Variants in CCDC91 observed in about 807,000 individuals in gnomAD.
CCDC91 encodes the protein coiled-coil domain-containing protein 91.
Under a neutral mutation model 63.2 loss-of-function variants are expected in CCDC91, and 48 were observed. That is an observed-to-expected ratio of 0.76 (90% CI 0.60 to 0.97). The LOEUF (loss-of-function observed/expected upper bound fraction) is 0.97, where lower values mean the gene tolerates loss of function less well. Ranked by LOEUF, CCDC91 falls within the 50% of genes least tolerant of loss-of-function variation. The pLI is 0.00. For synonymous variants in CCDC91, 167 were observed against 165.8 expected (o/e 1.01, Z -0.06); for missense variants, 500 against 494.6 (o/e 1.01, Z -0.10).
At chr12:28,391,280 A>G in intron 7 of CCDC91, 24 bp from the exon 8 acceptor site, 3 of 1,470,920 alleles carry the variant, frequency 2.0e-6, no homozygotes, top group Non-Finnish European at 2.9e-6. Flanking sequence ...CTGTGATCCA[A>G]ATGACTTTTT....
chr12:28,228,955 T>C (rs1944432074), intron 1 of CCDC91, among the ~76,000 whole-genome samples: 1 of 152,116 alleles, frequency 6.6e-6, no homozygotes, highest in South Asian at 2.1e-4. Context: ...AAACACAGAG[T>C]ATGGCACTTT....
At chr12:28,393,259 A>G (rs1275996298) in intron 8 of CCDC91, among the ~76,000 whole-genome samples, 2 of 152,140 alleles carry the variant, frequency 1.3e-5, no homozygotes, top group African/African-American at 4.8e-5. Context: ...TAAGTAGCAA[A>G]TAGTTACAGT....
chr12:28,303,132 T>C (rs1322698605), intron 3 of CCDC91, among the ~76,000 whole-genome samples: 1 of 152,048 alleles, frequency 6.6e-6, no homozygotes, highest in African/African-American at 2.4e-5. Context: ...AAAGATAAGA[T>C]CAGAAGTGTT....
chr12:28,215,739 C>T (rs1222502729), intron 1 of CCDC91, among the ~76,000 whole-genome samples: 1 of 152,094 alleles, frequency 6.6e-6, no homozygotes, highest in Non-Finnish European at 1.5e-5. Context: ...TAGACAGAAG[C>T]AGTGGATGTA....
intron 12 of CCDC91, among the ~76,000 whole-genome samples, chr12:28,536,049 A>G (rs1942150019): frequency 1.3e-5 from 2 of 151,442 alleles, no homozygotes; most frequent in East Asian, 1.9e-4. Context: ...AAAAATATAT[A>G]TTGTGGGAAA....
chr12:28,232,535 G>T (rs1944668487), intron 1 of CCDC91, among the ~76,000 whole-genome samples: 1 of 151,990 alleles, frequency 6.6e-6, no homozygotes, highest in Non-Finnish European at 1.5e-5. Context: ...ACTAATATAG[G>T]ATAAGTATAA....
Position 28,538,990 on chromosome 12 carries a change from G to A in CCDC91, c.1216-10073G>A, listed in dbSNP as rs532380453. The stretch of plus-strand genomic sequence containing the variant: ...TCTTGTAAATTTGTTTGAGTTCTTT[G>A]TAGATGCTGGATATTAGCCCTTTGT... On this transcript the variant is annotated intron_variant, in intron 12 of 12. Coordinates refer to ENST00000536442, the MANE Select transcript of CCDC91 (RefSeq NM_018318.5). 2.0e-5 allele frequency among the ~76,000 whole-genome samples: 3 copies of A among 152,022 alleles called. No homozygotes were observed. The East Asian group carries it at 5.8e-4, about 29-fold the overall frequency.
intron 6 of CCDC91, among the ~76,000 whole-genome samples, chr12:28,312,034 C>T (rs1354710061): frequency 6.6e-6 from 1 of 151,930 alleles, no homozygotes; most frequent in Non-Finnish European, 1.5e-5. Context: ...CTTTTTAGCT[C>T]TATTTATTGA....
In CCDC91 at chr12:28,484,183, A is replaced by G. The variant is rs1951598326; in HGVS notation, c.1215+18A>G. 1.4e-6 allele frequency: 2 copies of G among 1,421,936 alleles called. No individual in the cohort carries two copies. Among genetic ancestry groups the G allele is most frequent in the Non-Finnish European group, 1.9e-6 (2 of 1,026,434 alleles). The allele number at this position is 1,421,936 out of a possible 1,614,324, so 88.1% of individuals were successfully genotyped here. ...AGAAAAGGGTAAGTATCTCCTGAAG[A>G]GTTTTAATTTGTGCTTCAATAAACT... On this transcript the variant is annotated intron_variant, in intron 12 of 12. Coordinates refer to ENST00000536442, the MANE Select transcript of CCDC91 (RefSeq NM_018318.5).
At chr12:28,498,181 A>G (rs1952413191) in intron 12 of CCDC91, among the ~76,000 whole-genome samples, 1 of 151,646 alleles carries the variant, frequency 6.6e-6, no homozygotes, top group Non-Finnish European at 1.5e-5. Context: ...GTACAATGTG[A>G]TTCATTCACT....
At chr12:28,397,019 A>G (rs1458724365) in intron 8 of CCDC91, among the ~76,000 whole-genome samples, 2 of 152,152 alleles carry the variant, frequency 1.3e-5, no homozygotes, top group Non-Finnish European at 2.9e-5. Flanking sequence ...TATGGATGAG[A>G]TCAGAGAATA....
intron 6 of CCDC91, among the ~76,000 whole-genome samples, chr12:28,361,840 C>T (rs1296361205): frequency 8.5e-6 from 1 of 117,844 alleles, no homozygotes; most frequent in Non-Finnish European, 1.6e-5. Flanking sequence ...ATCTCTGGAA[C>T]TATTTCTTTT....
At chr12:28,390,626 T>C (rs1427966760) in intron 7 of CCDC91, among the ~76,000 whole-genome samples, 1 of 152,190 alleles carries the variant, frequency 6.6e-6, no homozygotes, top group African/African-American at 2.4e-5. Context: ...TTTATCTGAC[T>C]TGAGTTCCAG....
rs1324308688 is a variant in CCDC91, at chr12:28,404,718, G to A, written c.762+13307G>A. On this transcript the variant is annotated intron_variant, in intron 8 of 12. Coordinates refer to ENST00000536442, the MANE Select transcript of CCDC91 (RefSeq NM_018318.5). Reference sequence around the variant, plus strand: ...CTAAGTATTGCCATGTTTTCTTGGAGAATCAACACTTTTATTATTATATAA... The same window carrying A: ...CTAAGTATTGCCATGTTTTCTTGGAAAATCAACACTTTTATTATTATATAA... Among the ~76,000 whole-genome samples, 6 of 152,002 alleles carry A rather than the reference G, an allele frequency of 3.9e-5. No homozygotes were observed. In the East Asian group the frequency reaches 1.2e-3, roughly 29 times the overall value.
At chr12:28,533,474 T>C (rs1360420332) in intron 12 of CCDC91, among the ~76,000 whole-genome samples, 1 of 152,108 alleles carries the variant, frequency 6.6e-6, no homozygotes, top group African/African-American at 2.4e-5. Context: ...TTTGTGGTTT[T>C]GACTATCGAG....
Position 28,215,543 on chromosome 12 carries a change from C to T in CCDC91, c.-15+24902C>T, listed in dbSNP as rs115968243. 8.2e-3 allele frequency among the ~76,000 whole-genome samples: 1,246 copies of T among 152,184 alleles called. 22 individuals are homozygous for T. The highest frequency in any genetic ancestry group is 0.029 in the African/African-American group (1,198 of 41,536). On this transcript the variant is annotated intron_variant, in intron 1 of 12. Transcript: ENST00000536442. ...GAAATAATGTAGGATTATCTTACCACTGTATCTATTAAGAAGAGTGGCCTT... is the reference window on the plus strand; with the variant it reads ...GAAATAATGTAGGATTATCTTACCATTGTATCTATTAAGAAGAGTGGCCTT...
chr12:28,435,948 A>G (rs755076822), intron 8 of CCDC91, among the ~76,000 whole-genome samples: 1 of 151,192 alleles, frequency 6.6e-6, no homozygotes, highest in African/African-American at 2.4e-5. Context: ...TTAACATAGT[A>G]TATCTTTCTC....
chr12:28,280,815 TA>T lies in CCDC91; in HGVS notation c.109+21388del, dbSNP rs11369802. 5.5e-3 allele frequency among the ~76,000 whole-genome samples: 768 copies of T among 139,560 alleles called. 1 individual carries two copies. The highest frequency in any genetic ancestry group is 8.1e-3 in the Non-Finnish European group (523 of 64,578). The allele number at this position is 139,560 out of a possible 152,430, so 91.6% of individuals were successfully genotyped here. A position where few individuals can be genotyped will look rare whatever the true frequency, so the allele number is the denominator to read the frequency against. ...GCAACATAGTGAGACCGCGTTTCTTTAAAAAAAAAAAAAAAGCCAGGTATGG... is the reference window on the plus strand; with the variant it reads ...GCAACATAGTGAGACCGCGTTTCTTTAAAAAAAAAAAAAAGCCAGGTATGG... On this transcript the variant is annotated intron_variant, in intron 3 of 12. Coordinates refer to ENST00000536442, the MANE Select transcript of CCDC91 (RefSeq NM_018318.5).
At chr12:28,367,431 C>T (rs1248414777) in intron 7 of CCDC91, among the ~76,000 whole-genome samples, 5 of 151,958 alleles carry the variant, frequency 3.3e-5, no homozygotes, top group Admixed American at 3.3e-4. Flanking sequence ...ATAGAAATTA[C>T]CCAATTCGAA....
Sources: allele counts gnomAD v4.1 joint callset (sites outside exome capture counted in the v4.1 genomes callset), GRCh38; gene constraint gnomAD v4.1.1; transcripts MANE v1.5; gene names NCBI Gene and HGNC (gene_info 2026-07-23, HGNC 2026-07-21).